The following IFT80 variants were observed in gnomAD, a reference collection of about 807,000 sequenced individuals.
IFT80 encodes the protein intraflagellar transport protein 80 homolog.
IFT80 carries 79 observed loss-of-function variants against 107.9 expected under a neutral mutation model. The observed-to-expected ratio is 0.73, with a 90% confidence interval of 0.61 to 0.88. The LOEUF is 0.88. IFT80 is among the 40% of genes least tolerant of loss of function. The probability of loss-of-function intolerance (pLI) is 0.00; values close to 1 mark genes in which losing one functional copy is unlikely to be tolerated. For synonymous variants in IFT80, 299 were observed against 300.9 expected, an observed-to-expected ratio of 0.99 and a Z score of 0.07; for missense variants, 797 against 914.2, an observed-to-expected ratio of 0.87 and a Z score of 1.65.
chr3:160,351,571 ACACATATAT>A (rs1720702595), intron 8 of IFT80, among the ~76,000 whole-genome samples: 1 of 141,354 alleles, frequency 7.1e-6, no homozygotes, highest in African/African-American at 2.5e-5. Flanking sequence ...ATATATATAC[ACACATATAT>A]TATATGTATA....
intron 9 of IFT80, among the ~76,000 whole-genome samples, chr3:160,314,190 C>G (rs559071814): frequency 6.6e-6 from 1 of 152,204 alleles, no homozygotes; most frequent in Admixed American, 6.5e-5. Context: ...TTTTACAAGA[C>G]ATAAAATGTC....
intron 12 of IFT80, among the ~76,000 whole-genome samples, chr3:160,300,327 T>C (rs1254413234): frequency 6.6e-6 from 1 of 152,184 alleles, no homozygotes; most frequent in East Asian, 1.9e-4. Flanking sequence ...ACATATGCCC[T>C]AATAAAACGG....
chr3:160,305,254 G>C (rs1169515312), intron 10 of IFT80, among the ~76,000 whole-genome samples: 1 of 152,158 alleles, frequency 6.6e-6, no homozygotes, highest in African/African-American at 2.4e-5. Flanking sequence ...AGGAGGGAAG[G>C]GGAAGGAAGC....
intron 12 of IFT80, among the ~76,000 whole-genome samples, chr3:160,288,463 C>T (rs1223308169): frequency 2.0e-5 from 3 of 152,130 alleles, no homozygotes; most frequent in East Asian, 1.9e-4. Flanking sequence ...CAAAAGCAAT[C>T]GCAACAAAAG....
Position 160,381,566 on chromosome 3 carries a change from G to A in IFT80, c.196C>T (p.Pro66Ser). 1 of 1,613,636 alleles carries A rather than the reference G, an allele frequency of 6.2e-7. No individual in the cohort carries two copies. The highest frequency in any genetic ancestry group is 8.5e-7 in the Non-Finnish European group (1 of 1,179,882). Residue 66 changes from proline (P) to serine (S), a missense_variant, in exon 3 of 20, where the codon CCA becomes TCA. By Grantham distance (74) the Pro-to-Ser change is moderately conservative. Transcript: ENST00000326448. Reference protein sequence around the residue: ...DIYPIDFHWFPKSLGVKKQTQ... With the variant: ...DIYPIDFHWFSKSLGVKKQTQ... ...TGTTTCTTTACACCCAAACTTTTTG[G>A]AAACCAGTGAAAATCAATAGGGTAA...
intron 8 of IFT80, 56 bp from the exon 9 acceptor site, chr3:160,319,995 G>T: frequency 7.6e-7 from 1 of 1,322,512 alleles, no homozygotes; most frequent in Non-Finnish European, 1.1e-6. Context: ...TTTTTAGGAA[G>T]TTTTAAATCA....
At chr3:160,271,660 C>T (rs538039891) in intron 18 of IFT80, among the ~76,000 whole-genome samples, 49 of 152,220 alleles carry the variant, frequency 3.2e-4, no homozygotes, top group African/African-American at 1.1e-3. Flanking sequence ...CAAGACTATG[C>T]TTCTCAAGTG....
At chr3:160,365,112 G>A (rs537075554) in intron 6 of IFT80, among the ~76,000 whole-genome samples, 17 of 152,080 alleles carry the variant, frequency 1.1e-4, no homozygotes, top group South Asian at 6.2e-4. Context: ...GATTTTCAGC[G>A]TAGGTAATTG....
chr3:160,395,442 A>G (rs995590014), intron 1 of IFT80, among the ~76,000 whole-genome samples: 7 of 152,196 alleles, frequency 4.6e-5, no homozygotes, highest in African/African-American at 1.7e-4. Context: ...TTTCCCACCT[A>G]AAAAGAATTT....
chr3:160,302,597 T>G (rs929108765), intron 11 of IFT80, among the ~76,000 whole-genome samples: 2 of 152,100 alleles, frequency 1.3e-5, no homozygotes, highest in Admixed American at 1.3e-4. Context: ...TTTATGCCAT[T>G]AATATATGTC....
intron 8 of IFT80, among the ~76,000 whole-genome samples, chr3:160,337,994 CCTA>C (rs1156250757): frequency 1.3e-5 from 2 of 152,054 alleles, no homozygotes; most frequent in Non-Finnish European, 2.9e-5. Flanking sequence ...TTTGCAGACT[CCTA>C]TTATATGTAC....
intron 12 of IFT80, chr3:160,299,340 A>G: frequency 1.8e-6 from 1 of 566,936 alleles, no homozygotes; most frequent in Non-Finnish European, 2.4e-6. Context: ...AAGAGGTGCT[A>G]TTATCTGAAG....
chr3:160,390,530 G>T (rs1327518011), intron 1 of IFT80, among the ~76,000 whole-genome samples: 1 of 152,178 alleles, frequency 6.6e-6, no homozygotes. Flanking sequence ...GGACTGATTT[G>T]GCTAATGACA....
At chr3:160,346,443 TG>T (rs1298363530) in intron 8 of IFT80, among the ~76,000 whole-genome samples, 2 of 152,214 alleles carry the variant, frequency 1.3e-5, no homozygotes, top group African/African-American at 4.8e-5. Flanking sequence ...AGTCCAATGC[TG>T]GGCATTCTCA....
intron 5 of IFT80, 141 bp from the exon 6 acceptor site, chr3:160,366,293 A>G (rs1435393029): frequency 1.5e-6 from 1 of 664,802 alleles, no homozygotes; most frequent in Non-Finnish European, 2.6e-6. Context: ...CTTTCAAATT[A>G]GAGTATATAG....
At chr3:160,269,049 C>T (rs1332486469) in intron 18 of IFT80, among the ~76,000 whole-genome samples, 1 of 151,934 alleles carries the variant, frequency 6.6e-6, no homozygotes, top group Middle Eastern at 3.4e-3. Context: ...GCCAACATGG[C>T]GAAACCCTGT....
chr3:160,262,191 TAACTCAA>T (rs1302240483), intron 19 of IFT80, among the ~76,000 whole-genome samples: 3 of 150,754 alleles, frequency 2.0e-5, no homozygotes, highest in African/African-American at 7.3e-5. Flanking sequence ...CAATGAAAGG[TAACTCAA>T]AACAGTGTCT....
chr3:160,273,677 G>A (rs1576733902), intron 18 of IFT80, among the ~76,000 whole-genome samples: 3 of 152,188 alleles, frequency 2.0e-5, no homozygotes, highest in Non-Finnish European at 4.4e-5. Context: ...GAAATGTTAA[G>A]TAGGTAGTTG....
chr3:160,353,386 C>A (rs1720855940), intron 8 of IFT80, among the ~76,000 whole-genome samples: 1 of 152,196 alleles, frequency 6.6e-6, no homozygotes, highest in South Asian at 2.1e-4. Context: ...TTCTACCCCA[C>A]AGCAACCCCA....
Sources: allele counts gnomAD v4.1 joint callset (sites outside exome capture counted in the v4.1 genomes callset), GRCh38; gene constraint gnomAD v4.1.1; transcripts MANE v1.5; gene names NCBI Gene and HGNC (gene_info 2026-07-23, HGNC 2026-07-21).